TTI1: variants seen among roughly 807,000 people sequenced by gnomAD.
TTI1 encodes the protein TELO2-interacting protein 1 homolog.
TTI1 carries 52 observed loss-of-function variants against 85.4 expected under a neutral mutation model. The ratio of observed to expected loss-of-function variants is 0.61; its 90% CI spans 0.49 to 0.77. The LOEUF is 0.77. Among genes scored for constraint, TTI1 ranks in the 30% least tolerant of loss-of-function variants. The probability of loss-of-function intolerance (pLI) is 0.00; values close to 1 mark genes in which losing one functional copy is unlikely to be tolerated. For missense variants in TTI1, 1,173 were observed against 1,296.0 expected (o/e 0.91, Z 1.46); for synonymous variants, 512 against 503.9 (o/e 1.02, Z -0.22).
intron 1 of TTI1, among the ~76,000 whole-genome samples, chr20:38,020,323 A>AAAAAAAAAAAAAAATATATATATAT: frequency 2.0e-5 from 1 of 50,382 alleles, no homozygotes; most frequent in African/African-American, 8.9e-5. Flanking sequence ...AAAAAAAAAA[A>AAAAAAAAAAAAAAATATATATATAT]ATATATATAT....
Position 38,012,278 on chromosome 20 carries a change from A to G in TTI1, c.1539T>C (p.His513=), listed in dbSNP as rs1309257231. 1.2e-6 allele frequency: 2 copies of G among 1,614,204 alleles called. No individual in the cohort carries two copies. Among genetic ancestry groups the G allele is most frequent in the Non-Finnish European group, 1.7e-6 (2 of 1,180,042 alleles). ...LLVDHFMELY[H]QSVVYRKQAA... ...CTTGCTTCCGGTAAACCACAGATTGATGGTAAAGTTCCATAAAGTGATCCA... is the reference window on the plus strand; with the variant it reads ...CTTGCTTCCGGTAAACCACAGATTGGTGGTAAAGTTCCATAAAGTGATCCA... Residue 513 remains histidine, a synonymous_variant, in exon 2 of 8, where the codon CAT becomes CAC. Coordinates refer to ENST00000373447, the MANE Select transcript of TTI1 (RefSeq NM_001303457.2).
At chr20:38,024,367 A>G (rs1314783568) in intron 1 of TTI1, among the ~76,000 whole-genome samples, 1 of 152,172 alleles carries the variant, frequency 6.6e-6, no homozygotes, top group Admixed American at 6.5e-5. Flanking sequence ...TTTGTTAAGT[A>G]TAACTAAAAC....
intron 2 of TTI1, among the ~76,000 whole-genome samples, chr20:38,006,906 A>G (rs1205166934): frequency 6.6e-6 from 1 of 152,222 alleles, no homozygotes; most frequent in African/African-American, 2.4e-5. Flanking sequence ...TAATATGCCC[A>G]GTGTGGGTTC....
intron 1 of TTI1, among the ~76,000 whole-genome samples, chr20:38,017,653 T>C (rs374681025): frequency 1.2e-4 from 19 of 152,284 alleles, no homozygotes; most frequent in Middle Eastern, 3.4e-3. Flanking sequence ...AGTAGAGATT[T>C]TGGTATTCTT....
In TTI1 at chr20:37,999,665, G is replaced by A. The variant is rs781005712; in HGVS notation, c.2653-337C>T. Among the ~76,000 whole-genome samples, 3 of 152,192 alleles carry A rather than the reference G, an allele frequency of 2.0e-5. No homozygotes were observed. In the East Asian group the frequency reaches 5.8e-4, roughly 29 times the overall value. On this transcript the variant is annotated intron_variant, in intron 4 of 7. Coordinates refer to ENST00000373447, the MANE Select transcript of TTI1 (RefSeq NM_001303457.2). ...ATCTAAACCACAGACTGTTGGGAAG[G>A]CTTCGCTGGGGAAGGAGCTTCTAAA...
chr20:37,985,550 CAG>C (rs1043150502), intron 7 of TTI1, among the ~76,000 whole-genome samples: 3 of 148,118 alleles, frequency 2.0e-5, no homozygotes, highest in South Asian at 2.1e-4. Context: ...TTTTTTGAGA[CAG>C]AGTCTCACTC....
intron 7 of TTI1, among the ~76,000 whole-genome samples, chr20:37,994,427 G>A (rs1600609402): frequency 6.6e-6 from 1 of 151,990 alleles, no homozygotes; most frequent in East Asian, 1.9e-4. Context: ...GCCACCCACC[G>A]CACCCAGCTG....
intron 1 of TTI1, among the ~76,000 whole-genome samples, chr20:38,016,421 G>C (rs1213990437): frequency 1.3e-5 from 2 of 152,168 alleles, no homozygotes; most frequent in African/African-American, 4.8e-5. Context: ...AAGATAACTT[G>C]GGGTCCGCCC....
chr20:38,032,790 TC>T (rs2073933203), intron 1 of TTI1, among the ~76,000 whole-genome samples: 1 of 152,126 alleles, frequency 6.6e-6, no homozygotes, highest in Non-Finnish European at 1.5e-5. Context: ...AGCTATCCTC[TC>T]GCCTCGGCCT....
intron 5 of TTI1, among the ~76,000 whole-genome samples, chr20:37,997,632 T>C (rs2073361961): frequency 6.6e-6 from 1 of 152,184 alleles, no homozygotes; most frequent in Non-Finnish European, 1.5e-5. Flanking sequence ...TACAGGATAA[T>C]AGGAATTTCT....
chr20:38,029,575 A>AGG (rs1289697692), intron 1 of TTI1, among the ~76,000 whole-genome samples: 1 of 149,448 alleles, frequency 6.7e-6, no homozygotes, highest in African/African-American at 2.5e-5. Flanking sequence ...AGCAAGAGAG[A>AGG]GAGAGAGAGA....
intron 7 of TTI1, among the ~76,000 whole-genome samples, chr20:37,992,971 T>C (rs2073285827): frequency 6.6e-6 from 1 of 152,184 alleles, no homozygotes; most frequent in South Asian, 2.1e-4. Context: ...ACCTGTTGTC[T>C]GTAATCCAAC....
intron 7 of TTI1, chr20:37,987,255 T>C (rs184649698): frequency 6.6e-6 from 3 of 456,556 alleles, no homozygotes; most frequent in Non-Finnish European, 1.3e-5. Flanking sequence ...AACCAGAGAG[T>C]GAACAGCTGA....
intron 1 of TTI1, among the ~76,000 whole-genome samples, chr20:38,018,844 A>G (rs1272960495): frequency 6.6e-6 from 1 of 152,036 alleles, no homozygotes; most frequent in Non-Finnish European, 1.5e-5. Flanking sequence ...CTATAAAAAC[A>G]ACATCTTTCA....
chr20:38,012,645 G>A lies in TTI1; in HGVS notation c.1172C>T (p.Ser391Phe), dbSNP rs1474409285. The change falls in exon 2 of 8, where the codon TCC becomes TTC. Residue 391 changes from serine (S) to phenylalanine (F), a missense_variant. Coordinates refer to ENST00000373447, the MANE Select transcript of TTI1 (RefSeq NM_001303457.2). ...LATSLPRLMN[S>F]QDDQGKFSTL... is the part of the protein sequence containing the mutation. ...AGAGAATTTGCCCTGGTCATCTTGG[G>A]AGTTCATTAGGCGAGGAAGAGATGT... 1.2e-6 allele frequency: 2 copies of A among 1,614,214 alleles called. No homozygotes were observed.
At chr20:38,001,724 C>CTT (rs989403336) in intron 4 of TTI1, among the ~76,000 whole-genome samples, 2 of 147,402 alleles carry the variant, frequency 1.4e-5, no homozygotes, top group Non-Finnish European at 3.0e-5. Context: ...GTTTCTCTCT[C>CTT]TTTTTTTTTT....
chr20:38,002,830 A>T, intron 3 of TTI1, 54 bp from the exon 4 acceptor site: 1 of 1,594,312 alleles, frequency 6.3e-7, no homozygotes, highest in Non-Finnish European at 8.6e-7. Context: ...AAACAGAGAT[A>T]CCTAAATTTC....
At chr20:37,984,270 T>C (rs528182347) in intron 7 of TTI1, among the ~76,000 whole-genome samples, 1 of 152,268 alleles carries the variant, frequency 6.6e-6, no homozygotes, top group East Asian at 1.9e-4. Flanking sequence ...AAGGGTTCCT[T>C]TATTCTCCTG....
At chr20:37,999,775 C>T (rs989953120) in intron 4 of TTI1, among the ~76,000 whole-genome samples, 13 of 152,148 alleles carry the variant, frequency 8.5e-5, no homozygotes, top group Non-Finnish European at 1.6e-4. Flanking sequence ...AGAGGTGGAA[C>T]AGAGCTTTCA....
Sources: gnomAD v4.1 joint callset for allele counts (sites outside exome capture counted in the v4.1 genomes callset) on GRCh38, gnomAD v4.1.1 for gene constraint, MANE v1.5 for transcripts, NCBI Gene and HGNC (gene_info 2026-07-23, HGNC 2026-07-21) for gene names.